ARHGEF3: variants seen among roughly 807,000 people sequenced by gnomAD.
ARHGEF3 encodes the protein 59.8 kDA protein.
ARHGEF3 carries 28 observed loss-of-function variants against 63.2 expected under a neutral mutation model. That is an observed-to-expected ratio of 0.44 (90% CI 0.33 to 0.61). The LOEUF (loss-of-function observed/expected upper bound fraction) is 0.61. Ranked by LOEUF, ARHGEF3 falls within the 20% of genes least tolerant of loss-of-function variation. The probability of loss-of-function intolerance (pLI) is 0.03; values close to 1 mark genes in which losing one functional copy is unlikely to be tolerated. For missense variants in ARHGEF3, 533 were observed against 659.3 expected (o/e 0.81, Z 2.10); for synonymous variants, 266 against 254.2 (o/e 1.05, Z -0.44).
intron 4 of ARHGEF3, among the ~76,000 whole-genome samples, chr3:56,862,056 T>C (rs2040093160): frequency 6.6e-6 from 1 of 152,100 alleles, no homozygotes; most frequent in African/African-American, 2.4e-5. Flanking sequence ...ACATAGATGC[T>C]AATCCACAGC....
chr3:56,866,412 G>C (rs538255407), intron 4 of ARHGEF3, among the ~76,000 whole-genome samples: 1 of 152,154 alleles, frequency 6.6e-6, no homozygotes, highest in East Asian at 1.9e-4. Flanking sequence ...GGTGCCCTGC[G>C]TCATGTTCCT....
chr3:56,756,337 T>G (rs894950385), intron 2 of ARHGEF3, among the ~76,000 whole-genome samples: 1 of 152,146 alleles, frequency 6.6e-6, no homozygotes, highest in Admixed American at 6.6e-5. Context: ...AAGTTTCAAC[T>G]CCTCATCTTG....
Position 56,852,907 on chromosome 3 carries a change from T to C in ARHGEF3, c.192+29385A>G, listed in dbSNP as rs116847189. Among the ~76,000 whole-genome samples the C allele has an allele frequency of 3.3e-4, 51 of 152,314 alleles. No individual in the cohort carries two copies. In the East Asian group the frequency reaches 9.1e-3, roughly 27 times the overall value. On this transcript the variant is annotated intron_variant, in intron 4 of 12. Transcript: ENST00000338458. ...CCAAAAAGGAACCTTGTCTGCTCGA[T>C]GGATGTATAGACCATGCATTGCATT...
intron 4 of ARHGEF3, among the ~76,000 whole-genome samples, chr3:56,869,741 G>T (rs1226257653): frequency 6.6e-6 from 1 of 152,158 alleles, no homozygotes; most frequent in African/African-American, 2.4e-5. Flanking sequence ...GGGCATGGAA[G>T]CCCAGATGAA....
At chr3:56,825,307 A>C (rs1500712) in intron 4 of ARHGEF3, among the ~76,000 whole-genome samples, 25,897 of 152,206 alleles carry the variant, frequency 0.17, 2,284 homozygotes, top group South Asian at 0.24. Flanking sequence ...CATTCTTCAC[A>C]AGCTATAGAA....
At chr3:56,792,113 A>AAAAAAAAAGAAAAGAAAAGAAAAG (rs55899473) in intron 1 of ARHGEF3, among the ~76,000 whole-genome samples, 3 of 139,984 alleles carry the variant, frequency 2.1e-5, no homozygotes, top group African/African-American at 8.9e-5. Flanking sequence ...CAAAAAAAAA[A>AAAAAAAAAGAAAAGAAAAGAAAAG]AAAAGAAAAG....
chr3:57,058,693 C>T lies in ARHGEF3; in HGVS notation c.-28+20533G>A, dbSNP rs375064333. Among the ~76,000 whole-genome samples the T allele has an allele frequency of 3.7e-4, 57 of 152,156 alleles. No individual in the cohort carries two copies. In the East Asian group the frequency reaches 0.01, roughly 28 times the overall value. On this transcript the variant is annotated intron_variant, in intron 1 of 12. Transcript: ENST00000338458. ...ATGCTGCTATAAAGACACATGCACA[C>T]GTATGTTTATTGCGGCACTATTCAC...
intron 4 of ARHGEF3, among the ~76,000 whole-genome samples, chr3:56,842,737 C>T (rs1458427910): frequency 6.6e-5 from 10 of 152,270 alleles, no homozygotes; most frequent in African/African-American, 9.6e-5. Context: ...TGGCTCATCA[C>T]GGAACTCTCC....
chr3:56,850,409 G>A (rs1002167716), intron 4 of ARHGEF3, among the ~76,000 whole-genome samples: 1 of 152,134 alleles, frequency 6.6e-6, no homozygotes, highest in South Asian at 2.1e-4. Context: ...CATGCCTGTA[G>A]TCCCAGCTAC....
chr3:57,010,397 A>C (rs1214962637), intron 2 of ARHGEF3, among the ~76,000 whole-genome samples: 1 of 147,720 alleles, frequency 6.8e-6, no homozygotes, highest in Non-Finnish European at 1.5e-5. Context: ...CAGAGCTTGC[A>C]GTGAGCCGAG....
chr3:56,922,236 C>A (rs2042162572), intron 3 of ARHGEF3, among the ~76,000 whole-genome samples: 1 of 152,122 alleles, frequency 6.6e-6, no homozygotes, highest in African/African-American at 2.4e-5. Context: ...CAGTTTATTT[C>A]TTAGAAACAT....
intron 4 of ARHGEF3, among the ~76,000 whole-genome samples, chr3:56,830,354 A>C (rs973536910): frequency 6.6e-6 from 1 of 152,038 alleles, no homozygotes. Context: ...ACATATTACC[A>C]CATTTCATGC....
At chr3:56,855,446 G>A (rs966908422) in intron 4 of ARHGEF3, among the ~76,000 whole-genome samples, 1 of 152,004 alleles carries the variant, frequency 6.6e-6, no homozygotes, top group Non-Finnish European at 1.5e-5. Flanking sequence ...CACTTTGGAA[G>A]GTTGAGGCAG....
intron 3 of ARHGEF3, among the ~76,000 whole-genome samples, chr3:56,924,967 C>T (rs1275899215): frequency 6.6e-6 from 1 of 152,228 alleles, no homozygotes; most frequent in African/African-American, 2.4e-5. Flanking sequence ...GAACCCCCTA[C>T]CTGGCTAGCT....
At chr3:56,884,892 G>A (rs979913160) in intron 3 of ARHGEF3, among the ~76,000 whole-genome samples, 4 of 152,358 alleles carry the variant, frequency 2.6e-5, no homozygotes, top group Admixed American at 1.3e-4. Context: ...TTAATAAACT[G>A]AGGTCAGGAG....
chr3:56,945,543 A>ACTGCAAGGCAG (rs929162776), intron 3 of ARHGEF3, among the ~76,000 whole-genome samples: 1 of 152,122 alleles, frequency 6.6e-6, no homozygotes, highest in Non-Finnish European at 1.5e-5. Context: ...CTGAGATCAA[A>ACTGCAAGGCAG]CTGCAAGGCA....
Position 56,745,250 on chromosome 3 carries a change from C to G in ARHGEF3, c.825G>C (p.Arg275Ser). The change falls in exon 7 of 10, where the codon AGG becomes AGC. Residue 275 changes from arginine (R) to serine (S), a missense_variant. By Grantham distance (110) the Arg-to-Ser change is moderately radical (BLOSUM62 -1). Around this residue, in one of 4 missense-constraint regions of ARHGEF3, gnomAD observed 107 missense variants for 207.9 expected, o/e 0.51. Transcript: ENST00000296315. ...GATCTGGATTATCATTTGGTGTGTG[C>G]CTCAAGATTTCTCGGAGAAGCAGAG... ...KYPLLLREIL[R>S]HTPNDNPDQQ... 6.2e-7 allele frequency: 1 copy of G among 1,613,898 alleles called. No homozygotes were observed. The highest frequency in any genetic ancestry group is 8.5e-7 in the Non-Finnish European group (1 of 1,180,000).
At chr3:57,071,211 G>T (rs1336503833) in intron 1 of ARHGEF3, among the ~76,000 whole-genome samples, 1 of 152,146 alleles carries the variant, frequency 6.6e-6, no homozygotes, top group East Asian at 1.9e-4. Context: ...ATTTAATGGG[G>T]AAGAAGAGTC....
chr3:57,078,043 C>T (rs1271948496), intron 1 of ARHGEF3, among the ~76,000 whole-genome samples: 1 of 152,194 alleles, frequency 6.6e-6, no homozygotes, highest in Non-Finnish European at 1.5e-5. Context: ...TGATAATAAT[C>T]ACAAGAGCAG....
Sources: allele counts gnomAD v4.1 joint callset (sites outside exome capture counted in the v4.1 genomes callset), GRCh38; gene constraint gnomAD v4.1.1; regional missense constraint gnomAD v4.1.1; transcripts MANE v1.5; gene names NCBI Gene and HGNC (gene_info 2026-07-23, HGNC 2026-07-21).